Variants in ALMS1 observed in about 807,000 individuals in gnomAD.
ALMS1 encodes the protein ALMS1 centrosome and basal body associated protein, also known as centrosome-associated protein ALMS1.
A neutral mutation model predicts 352.2 loss-of-function variants in ALMS1; 271 were observed. The ratio of observed to expected loss-of-function variants is 0.77; its 90% CI spans 0.70 to 0.85. The LOEUF (loss-of-function observed/expected upper bound fraction) is 0.85, where lower values mean the gene tolerates loss of function less well. ALMS1 is among the 40% of genes least tolerant of loss of function. The pLI is 0.00. For missense variants in ALMS1, 5,445 were observed against 4,870.7 expected (o/e 1.12, Z -3.51); for synonymous variants, 1,865 against 1,761.2 (o/e 1.06, Z -1.48).
rs1671921734 is a variant in ALMS1 at position 73,450,862 on chromosome 2, T to C, written c.4335T>C (p.His1445=). 6.2e-7 allele frequency: 1 copy of C among 1,614,100 alleles called. No homozygotes were observed. Among genetic ancestry groups the C allele is most frequent in the African/African-American group, 1.3e-5 (1 of 75,022 alleles). The part of the protein sequence containing the change: ...PGSFYQQVLP[H]SHLPEEALEV... ...GTTTCTACCAACAGGTCTTGCCACA[T>C]AGTCATCTACCTGAAGAGGCTTTGG... Residue 1445 remains histidine, a synonymous_variant, in exon 8 of 23, where the codon CAT becomes CAC. Transcript: ENST00000613296.
chr2:73,514,342 CTAGAGAT>C (rs1313821122), intron 10 of ALMS1, among the ~76,000 whole-genome samples: 1 of 151,108 alleles, frequency 6.6e-6, no homozygotes, highest in Non-Finnish European at 1.5e-5. Context: ...AGTGGTTATT[CTAGAGAT>C]TATAATATAC....
chr2:73,560,500 TAA>T (rs953465075), intron 15 of ALMS1, among the ~76,000 whole-genome samples: 105 of 152,214 alleles, frequency 6.9e-4, no homozygotes, highest in African/African-American at 2.4e-3. Flanking sequence ...CTCAGAATAA[TAA>T]AAAAGAATTA....
rs756453260 is a variant in ALMS1 at position 73,408,689 on chromosome 2, C to A, written c.392C>A (p.Ser131Tyr). 6.2e-6 allele frequency: 10 copies of A among 1,613,366 alleles called. No individual in the cohort carries two copies. The South Asian group carries it at 1.1e-4, about 18-fold the overall frequency. ...CAAGGCAATAGTAGAACACAAATTTCTGATACTAATGTGGTCTGTTTGGAA... is the reference window on the plus strand; with the variant it reads ...CAAGGCAATAGTAGAACACAAATTTATGATACTAATGTGGTCTGTTTGGAA... Reference protein sequence around the residue: ...VYQGNSRTQISDTNVVCLETT... With the variant: ...VYQGNSRTQIYDTNVVCLETT... Residue 131 changes from serine to tyrosine, a missense_variant, in exon 2 of 23, where the codon TCT (serine) becomes TAT (tyrosine). Coordinates refer to ENST00000613296, the MANE Select transcript of ALMS1 (RefSeq NM_001378454.1).
intron 10 of ALMS1, 86 bp from the exon 11 acceptor site, chr2:73,519,689 A>G: frequency 1.3e-6 from 2 of 1,569,912 alleles, no homozygotes; most frequent in Non-Finnish European, 1.7e-6. Flanking sequence ...CTACTTAAAT[A>G]TTCCTTGAAA....
At chr2:73,389,061 C>G (rs928785629) in intron 1 of ALMS1, among the ~76,000 whole-genome samples, 1 of 152,242 alleles carries the variant, frequency 6.6e-6, no homozygotes, top group African/African-American at 2.4e-5. Context: ...TTCCCAACAA[C>G]AGTGTATACG....
At chr2:73,584,858 C>T (rs577262029) in intron 16 of ALMS1, among the ~76,000 whole-genome samples, 14 of 151,970 alleles carry the variant, frequency 9.2e-5, no homozygotes, top group Non-Finnish European at 1.5e-4. Flanking sequence ...CTTAGCTCCC[C>T]GTTATAAATG....
chr2:73,552,008 T>A (rs1166185673), intron 13 of ALMS1, among the ~76,000 whole-genome samples: 1 of 152,214 alleles, frequency 6.6e-6, no homozygotes, highest in Non-Finnish European at 1.5e-5. Flanking sequence ...ATAGCATCAG[T>A]GCCTTTGTGA....
rs397972016 is a variant in ALMS1, at chr2:73,391,294, C to CTTTTTTT, written c.324+5113_324+5119dup. On this transcript the variant is annotated intron_variant, in intron 1 of 22. Coordinates refer to ENST00000613296, the MANE Select transcript of ALMS1 (RefSeq NM_001378454.1). ...TTAACCTATTCATATACGTTTTATT[C>CTTTTTTT]TTTTTTTTTTTTTTTTTGAGACGGA... is the stretch of plus-strand genomic sequence containing the variant. Among the ~76,000 whole-genome samples, 23 of 114,924 alleles carry CTTTTTTT rather than the reference C, an allele frequency of 2.0e-4. 3 individuals are homozygous for CTTTTTTT. Among genetic ancestry groups the CTTTTTTT allele is most frequent in the African/African-American group, 7.8e-4 (19 of 24,450 alleles). 75.4% of individuals were successfully genotyped at this position (114,924 alleles called of 152,430 possible). A position where few individuals can be genotyped will look rare whatever the true frequency, so the allele number is the denominator to read the frequency against.
intron 2 of ALMS1, among the ~76,000 whole-genome samples, chr2:73,412,668 T>C (rs1443880797): frequency 6.6e-6 from 1 of 152,102 alleles, no homozygotes; most frequent in Non-Finnish European, 1.5e-5. Flanking sequence ...TGGTGGCACA[T>C]GTCTGTAATC....
At chr2:73,429,857 T>G (rs1442125148) in intron 6 of ALMS1, among the ~76,000 whole-genome samples, 1 of 152,308 alleles carries the variant, frequency 6.6e-6, no homozygotes, top group East Asian at 1.9e-4. Flanking sequence ...GACTGACTTG[T>G]AGAGTTCCTG....
intron 22 of ALMS1, among the ~76,000 whole-genome samples, chr2:73,609,210 T>C (rs1473999204): frequency 6.6e-6 from 1 of 152,216 alleles, no homozygotes; most frequent in Non-Finnish European, 1.5e-5. Flanking sequence ...GAGCTGCTTC[T>C]GGAGCAGGCC....
At chr2:73,600,986 C>A (rs370192738) in intron 18 of ALMS1, 105 bp downstream of exon 18, 9 of 1,412,186 alleles carry the variant, frequency 6.4e-6, no homozygotes, top group Non-Finnish European at 7.7e-6. Context: ...TCCCCACCTA[C>A]CCCCAGCCAC....
intron 13 of ALMS1, among the ~76,000 whole-genome samples, chr2:73,555,530 T>C (rs1674524016): frequency 6.6e-6 from 1 of 152,190 alleles, no homozygotes; most frequent in South Asian, 2.1e-4. Context: ...TCTGTCCTTA[T>C]GACCATGTGA....
At position 73,509,990 on chromosome 2, in the gene ALMS1, T is replaced by G. The variant is rs975716412; in HGVS notation, c.9540-9785T>G. Among the ~76,000 whole-genome samples the G allele has an allele frequency of 9.8e-5, 15 of 152,320 alleles. 1 individual carries two copies. The highest frequency in any genetic ancestry group is 6.5e-4 in the Admixed American group (10 of 15,300). On this transcript the variant is annotated intron_variant, in intron 10 of 22. Coordinates refer to ENST00000613296, the MANE Select transcript of ALMS1 (RefSeq NM_001378454.1). The stretch of plus-strand genomic sequence containing the variant: ...TTGATCTTCAGTCTCTGATATCCTT[T>G]CTTCCACTTGGTCGATTCAGCTATT...
At chr2:73,466,197 C>T (rs1193197983) in intron 9 of ALMS1, among the ~76,000 whole-genome samples, 8 of 151,970 alleles carry the variant, frequency 5.3e-5, no homozygotes, top group African/African-American at 9.7e-5. Context: ...ACGTTTATTG[C>T]GGCACTATTC....
chr2:73,439,657 C>T (rs1043371749), intron 7 of ALMS1, among the ~76,000 whole-genome samples: 3 of 152,160 alleles, frequency 2.0e-5, no homozygotes, highest in Admixed American at 2.0e-4. Flanking sequence ...TCTCCTGCCT[C>T]AGCCTCCTGA....
intron 12 of ALMS1, among the ~76,000 whole-genome samples, chr2:73,536,602 G>A (rs937488512): frequency 9.2e-5 from 14 of 152,200 alleles, no homozygotes; most frequent in East Asian, 7.7e-4. Flanking sequence ...ATTCCTAGCC[G>A]TTATCTATGA....
chr2:73,520,052 C>G, intron 11 of ALMS1, 36 bp downstream of exon 11: 2 of 1,613,424 alleles, frequency 1.2e-6, no homozygotes, highest in South Asian at 1.1e-5. Flanking sequence ...ATTGTTAGAC[C>G]AGCTCTTTTG....
intron 10 of ALMS1, among the ~76,000 whole-genome samples, chr2:73,507,586 T>C (rs555491927): frequency 6.6e-6 from 1 of 152,358 alleles, no homozygotes; most frequent in African/African-American, 2.4e-5. Flanking sequence ...TATTCTCTGA[T>C]GGTAGTTTGT....
Sources: gnomAD v4.1 joint callset for allele counts (sites outside exome capture counted in the v4.1 genomes callset) on GRCh38, gnomAD v4.1.1 for gene constraint, MANE v1.5 for transcripts, NCBI Gene and HGNC (gene_info 2026-07-23, HGNC 2026-07-21) for gene names.